Variants in PTPRD observed in about 807,000 individuals in gnomAD.
PTPRD encodes the protein receptor-type tyrosine-protein phosphatase delta.
In PTPRD, 34 loss-of-function variants were observed where a neutral mutation model predicts 214.5. The observed-to-expected ratio is 0.16, with a 90% confidence interval of 0.12 to 0.21. The LOEUF (loss-of-function observed/expected upper bound fraction) is 0.21, where lower values mean the gene tolerates loss of function less well. Ranked by LOEUF, PTPRD falls within the 10% of genes least tolerant of loss-of-function variation. The probability of loss-of-function intolerance (pLI) is 1.00; values close to 1 mark genes in which losing one functional copy is unlikely to be tolerated. For synonymous variants in PTPRD, 1,128 were observed against 845.7 expected, an observed-to-expected ratio of 1.33 and a Z score of -5.79; for missense variants, 2,545 against 2,398.7, an observed-to-expected ratio of 1.06 and a Z score of -1.27.
At chr9:8,959,811 G>A (rs1433546) in intron 11 of PTPRD, among the ~76,000 whole-genome samples, 144,267 of 152,016 alleles carry the variant, frequency 0.95, 68,903 homozygotes, top group East Asian at 1. Context: ...TTAAAAACAA[G>A]TATTTTTCTC....
At chr9:9,606,015 A>G (rs1441567800) in intron 7 of PTPRD, among the ~76,000 whole-genome samples, 1 of 152,032 alleles carries the variant, frequency 6.6e-6, no homozygotes, top group African/African-American at 2.4e-5. Flanking sequence ...ATCTCTTGAT[A>G]CTACACAAAA....
intron 7 of PTPRD, among the ~76,000 whole-genome samples, chr9:9,616,056 G>A (rs1469013935): frequency 6.6e-6 from 1 of 152,108 alleles, no homozygotes; most frequent in African/African-American, 2.4e-5. Context: ...AGCCTGTAGT[G>A]CTTATATAGG....
intron 2 of PTPRD, among the ~76,000 whole-genome samples, chr9:10,567,860 T>A (rs926413437): frequency 7.9e-5 from 12 of 151,708 alleles, no homozygotes; most frequent in African/African-American, 2.9e-4. Context: ...TTCATTAAAT[T>A]ATTGGAAACA....
At chr9:8,655,017 T>C (rs1352670359) in intron 12 of PTPRD, among the ~76,000 whole-genome samples, 1 of 152,192 alleles carries the variant, frequency 6.6e-6, no homozygotes, top group Non-Finnish European at 1.5e-5. Flanking sequence ...TAGGAATTCA[T>C]TCAAGATTCC....
At chr9:8,444,386 C>A (rs1011604803) in intron 34 of PTPRD, among the ~76,000 whole-genome samples, 1 of 152,044 alleles carries the variant, frequency 6.6e-6, no homozygotes, top group Non-Finnish European at 1.5e-5. Flanking sequence ...ACACAGACAT[C>A]CCTACCTACT....
intron 3 of PTPRD, among the ~76,000 whole-genome samples, chr9:10,198,185 G>T (rs2099405353): frequency 6.6e-6 from 1 of 152,028 alleles, no homozygotes; most frequent in Non-Finnish European, 1.5e-5. Context: ...TAGTTGGAAG[G>T]ATGAACCTCA....
chr9:8,738,126 T>C (rs933094810), intron 11 of PTPRD, among the ~76,000 whole-genome samples: 1 of 152,244 alleles, frequency 6.6e-6, no homozygotes, highest in Admixed American at 6.5e-5. Context: ...CTTCTGTATA[T>C]CTGTACATGG....
chr9:9,849,085 T>C (rs1319034172), intron 5 of PTPRD, among the ~76,000 whole-genome samples: 4 of 151,860 alleles, frequency 2.6e-5, no homozygotes, highest in African/African-American at 9.7e-5. Context: ...ACCCTATGTT[T>C]TTAAATACAT....
chr9:8,652,776 A>G (rs889951172), intron 12 of PTPRD, among the ~76,000 whole-genome samples: 1 of 152,224 alleles, frequency 6.6e-6, no homozygotes, highest in African/African-American at 2.4e-5. Context: ...GATGATAAGA[A>G]GAAAATGCTT....
intron 9 of PTPRD, among the ~76,000 whole-genome samples, chr9:9,295,703 G>C (rs12342063): frequency 0.088 from 13,386 of 151,728 alleles, 875 homozygotes; most frequent in Non-Finnish European, 0.14. Context: ...ATAAAATGTA[G>C]AAAAACACTA....
At chr9:8,740,010 A>C (rs946108238) in intron 11 of PTPRD, among the ~76,000 whole-genome samples, 1 of 152,156 alleles carries the variant, frequency 6.6e-6, no homozygotes, top group African/African-American at 2.4e-5. Context: ...CCAGTGTCTC[A>C]GGTATGTCTT....
intron 7 of PTPRD, among the ~76,000 whole-genome samples, chr9:9,709,031 T>C (rs1301471738): frequency 1.3e-5 from 2 of 152,002 alleles, no homozygotes; most frequent in African/African-American, 4.8e-5. Flanking sequence ...TCTGCAGTCT[T>C]AATTTCATGA....
At chr9:9,988,332 C>T (rs1384471944) in intron 4 of PTPRD, among the ~76,000 whole-genome samples, 1 of 152,124 alleles carries the variant, frequency 6.6e-6, no homozygotes, top group Non-Finnish European at 1.5e-5. Flanking sequence ...TTTGTTTTCT[C>T]TATCAGAAGT....
At chr9:9,746,508 G>A (rs904468007) in intron 6 of PTPRD, among the ~76,000 whole-genome samples, 1 of 152,146 alleles carries the variant, frequency 6.6e-6, no homozygotes, top group African/African-American at 2.4e-5. Flanking sequence ...TAATTGAGAG[G>A]AAAATTGCCA....
chr9:8,347,603 G>A (rs1170979810), intron 39 of PTPRD, among the ~76,000 whole-genome samples: 6 of 152,128 alleles, frequency 3.9e-5, no homozygotes, highest in Admixed American at 3.9e-4. Flanking sequence ...GCTGAATTGT[G>A]TTTTTCTTCT....
chr9:10,020,071 G>A (rs947268305), intron 4 of PTPRD, among the ~76,000 whole-genome samples: 5 of 152,100 alleles, frequency 3.3e-5, no homozygotes, highest in East Asian at 1.9e-4. Context: ...GAAGAAAGAC[G>A]GAAGTTATTA....
chr9:9,879,980 G>T (rs1213984249), intron 5 of PTPRD, among the ~76,000 whole-genome samples: 2 of 152,262 alleles, frequency 1.3e-5, no homozygotes, highest in East Asian at 1.9e-4. Flanking sequence ...TTCTACAGGT[G>T]TGATATGGCT....
chr9:8,664,400 C>T (rs2097129476), intron 12 of PTPRD, among the ~76,000 whole-genome samples: 1 of 150,692 alleles, frequency 6.6e-6, no homozygotes, highest in Non-Finnish European at 1.5e-5. Context: ...TAGATGCTGC[C>T]AATCTTTTCT....
chr9:8,791,789 C>T (rs1021438336), intron 11 of PTPRD, among the ~76,000 whole-genome samples: 17 of 151,946 alleles, frequency 1.1e-4, no homozygotes, highest in African/African-American at 3.6e-4. Flanking sequence ...TTTTAATGGA[C>T]GGATACTAGA....
Sources: allele counts gnomAD v4.1 joint callset (sites outside exome capture counted in the v4.1 genomes callset), GRCh38; gene constraint gnomAD v4.1.1; transcripts MANE v1.5; gene names NCBI Gene and HGNC (gene_info 2026-07-23, HGNC 2026-07-21).